The following SYNE1 variants were observed in gnomAD, a reference collection of about 807,000 sequenced individuals.
The protein encoded by SYNE1 is spectrin repeat containing nuclear envelope protein 1.
SYNE1 carries 616 observed loss-of-function variants against 1,111.0 expected under a neutral mutation model. The observed-to-expected ratio is 0.55, with a 90% CI of 0.52 to 0.59. The LOEUF is 0.59. Among genes scored for constraint, SYNE1 ranks in the 20% least tolerant of loss-of-function variants. SYNE1 has a pLI of 0.00. For synonymous variants in SYNE1, 3,855 were observed against 3,825.8 expected (o/e 1.01, Z -0.28); for missense variants, 10,006 against 10,417.0 (o/e 0.96, Z 1.72).
rs1412086179 is a variant in SYNE1 at position 152,148,988 on chromosome 6, G to T, written c.24642+489C>A. On this transcript the variant is annotated intron_variant, in intron 136 of 145. Coordinates refer to ENST00000367255, the MANE Select transcript of SYNE1 (RefSeq NM_182961.4). This position sits in a 1 kb window ranked among gnomAD's most constrained non-coding sequence, Gnocchi z 4.1. ...CTATAAGTAAGATGTGATTATGGTA[G>T]CAATTAGGAAAATGGAAGAATGAAA... 6.6e-6 allele frequency among the ~76,000 whole-genome samples: 1 copy of T among 152,100 alleles called. No individual in the cohort carries two copies. The highest frequency in any genetic ancestry group is 1.5e-5 in the Non-Finnish European group (1 of 68,030).
At chr6:152,485,053 A>G (rs2098931960) in intron 12 of SYNE1, 81 bp from the exon 13 acceptor site, 9 of 1,440,128 alleles carry the variant, frequency 6.2e-6, no homozygotes, top group Non-Finnish European at 7.6e-6. Context: ...CTAAATAACA[A>G]TCTTTTCTAT....
chr6:152,344,807 A>G (rs948856815), intron 73 of SYNE1, among the ~76,000 whole-genome samples: 1 of 152,160 alleles, frequency 6.6e-6, no homozygotes, highest in Non-Finnish European at 1.5e-5. Flanking sequence ...ACATTTTCTG[A>G]TATGTCTATT....
At chr6:152,267,884 G>A (rs2092853717) in intron 100 of SYNE1, among the ~76,000 whole-genome samples, 172 bp downstream of exon 100, 1 of 152,156 alleles carries the variant, frequency 6.6e-6, no homozygotes, top group Admixed American at 6.5e-5. Context: ...GCTATGCTCA[G>A]GCAATGCAAC....
intron 3 of SYNE1, among the ~76,000 whole-genome samples, chr6:152,569,029 T>C (rs1348844203): frequency 6.6e-6 from 1 of 152,204 alleles, no homozygotes; most frequent in Non-Finnish European, 1.5e-5. Context: ...TTAAGTAACA[T>C]TAATGAATTA....
chr6:152,375,659 C>A (rs1212596008), intron 58 of SYNE1, among the ~76,000 whole-genome samples: 1 of 152,112 alleles, frequency 6.6e-6, no homozygotes, highest in African/African-American at 2.4e-5. Context: ...CTTAACACAC[C>A]AGCTCTGTGA....
intron 16 of SYNE1, among the ~76,000 whole-genome samples, chr6:152,467,470 G>C (rs2098777624): frequency 6.6e-6 from 1 of 152,066 alleles, no homozygotes; most frequent in Non-Finnish European, 1.5e-5. Context: ...ATTTGGCAAA[G>C]TTTAGAAAAG....
At chr6:152,451,576 G>A (rs2098651041) in intron 25 of SYNE1, among the ~76,000 whole-genome samples, 1 of 145,650 alleles carries the variant, frequency 6.9e-6, no homozygotes, top group Admixed American at 7.2e-5. Flanking sequence ...TCCACATCCT[G>A]GGTTCAAGCG....
In SYNE1 at chr6:152,176,667, G is replaced by A. The variant is rs1282847351; in HGVS notation, c.23461-107C>T. On this transcript the variant is annotated intron_variant, in intron 129 of 145. Transcript: ENST00000367255. ...TACTGCTTTCTACTGCTTGGAAGTA[G>A]TTTGAGCATAGGAATACCATGTGGA... 6.1e-6 allele frequency: 7 copies of A among 1,156,420 alleles called. No homozygotes were observed. The East Asian group carries it at 1.4e-4, about 23-fold the overall frequency. The allele number at this position is 1,156,420 out of a possible 1,614,324, so 71.6% of individuals were successfully genotyped here.
At chr6:152,592,360 T>C (rs1458212415) in intron 3 of SYNE1, among the ~76,000 whole-genome samples, 1 of 152,134 alleles carries the variant, frequency 6.6e-6, no homozygotes, top group Non-Finnish European at 1.5e-5. Context: ...GTAGTACATA[T>C]ACACCATGGA....
At position 152,369,035 on chromosome 6, in the gene SYNE1, C is replaced by T. The variant is rs2097133437; in HGVS notation, c.9744G>A (p.Lys3248=). ...GCTGCGACACTCTGTGCCTAAAGCT[C>T]TTGCTGGCAGCTTGTCCTTCCCACA... ...QQLWEGQAAS[K]SFRHRVSQLS... The change falls in exon 61 of 146, where the codon AAG becomes AAA. Residue 3248 remains lysine (K), a synonymous_variant. Transcript: ENST00000367255. 1 of 1,614,230 alleles carries T rather than the reference C, an allele frequency of 6.2e-7. No individual in the cohort carries two copies. Among genetic ancestry groups the T allele is most frequent in the Non-Finnish European group, 8.5e-7 (1 of 1,180,046 alleles).
At chr6:152,132,001 C>T in intron 144 of SYNE1, 121 bp downstream of exon 144, 1 of 844,888 alleles carries the variant, frequency 1.2e-6, no homozygotes, top group Non-Finnish European at 2.0e-6. Context: ...GCGCGCTACC[C>T]TGTGTGACAG....
At position 152,376,776 on chromosome 6, in the gene SYNE1, C is replaced by A. The variant is rs750117816; in HGVS notation, c.9146G>T (p.Cys3049Phe). ...KVSGLIKEYN[C>F]LCLQASKGCQ... ...GAACACCAATAAGGTTCATGCTCAC[C>A]AATTATACTCTTTAATCAAGCCAGA... The change falls in exon 57 of 146, where the codon TGT becomes TTT. Residue 3049 changes from cysteine (C) to phenylalanine (F), a missense_variant and splice_region_variant. Coordinates refer to ENST00000367255, the MANE Select transcript of SYNE1 (RefSeq NM_182961.4). 1.2e-6 allele frequency: 2 copies of A among 1,613,606 alleles called. No homozygotes were observed. The highest frequency in any genetic ancestry group is 2.2e-5 in the East Asian group (1 of 44,876).
At chr6:152,168,174 T>TC in intron 130 of SYNE1, 1 of 774,334 alleles carries the variant, frequency 1.3e-6, no homozygotes, top group Non-Finnish European at 2.4e-6. Flanking sequence ...TCTGCCATCC[T>TC]CAGGGCACTC....
intron 47 of SYNE1, among the ~76,000 whole-genome samples, chr6:152,400,379 A>G (rs1195453693): frequency 6.6e-6 from 1 of 152,176 alleles, no homozygotes; most frequent in Non-Finnish European, 1.5e-5. Flanking sequence ...AAACATGAAA[A>G]TGGGCCAGGT....
intron 46 of SYNE1, 89 bp from the exon 47 acceptor site, chr6:152,401,430 T>C: frequency 7.6e-7 from 1 of 1,316,466 alleles, no homozygotes; most frequent in Non-Finnish European, 1.1e-6. Flanking sequence ...AGCTTAATTG[T>C]CAAAGCCACA....
chr6:152,426,409 C>T (rs554210694), intron 38 of SYNE1, among the ~76,000 whole-genome samples: 11 of 152,302 alleles, frequency 7.2e-5, no homozygotes, highest in Admixed American at 3.9e-4. Flanking sequence ...AAAGAAACAG[C>T]GCAGGGTGCA....
intron 3 of SYNE1, among the ~76,000 whole-genome samples, chr6:152,583,103 G>A (rs1036459898): frequency 2.0e-5 from 3 of 152,138 alleles, no homozygotes; most frequent in Non-Finnish European, 4.4e-5. Flanking sequence ...TAAATAAGCT[G>A]CTACTGAGTA....
intron 2 of SYNE1, among the ~76,000 whole-genome samples, chr6:152,632,511 A>T (rs1410561871): frequency 6.6e-6 from 1 of 152,236 alleles, no homozygotes; most frequent in Non-Finnish European, 1.5e-5. Flanking sequence ...GGAATTAGGA[A>T]ATATCAGTTC....
chr6:152,256,820 T>C, intron 101 of SYNE1, 55 bp from the exon 102 acceptor site: 3 of 1,607,342 alleles, frequency 1.9e-6, no homozygotes, highest in Non-Finnish European at 2.5e-6. Flanking sequence ...GTCCCAGTAT[T>C]CTCATTTGGA....
Sources: gnomAD v4.1 joint callset for allele counts (sites outside exome capture counted in the v4.1 genomes callset) on GRCh38, gnomAD v4.1.1 for gene constraint, Gnocchi (gnomAD v3.1) non-coding constraint, MANE v1.5 for transcripts, NCBI Gene and HGNC (gene_info 2026-07-23, HGNC 2026-07-21) for gene names.